The following CCM2 variants were observed in gnomAD, a reference collection of about 807,000 sequenced individuals.
CCM2 encodes CCM2 scaffold protein, also known as cerebral cavernous malformations 2 protein.
A neutral mutation model predicts 44.9 loss-of-function variants in CCM2; 25 were observed. The observed-to-expected ratio is 0.56, with a 90% CI of 0.41 to 0.78. CCM2 has a LOEUF of 0.78. Ranked by LOEUF, CCM2 falls within the 30% of genes least tolerant of loss-of-function variation. The pLI is 0.00. For missense variants in CCM2, 481 were observed against 580.6 expected, an observed-to-expected ratio of 0.83 and a Z score of 1.76; for synonymous variants, 219 against 241.1, an observed-to-expected ratio of 0.91 and a Z score of 0.85.
At chr7:45,052,928 T>C (rs1302488092) in intron 2 of CCM2, among the ~76,000 whole-genome samples, 2 of 152,226 alleles carry the variant, frequency 1.3e-5, no homozygotes, top group Non-Finnish European at 2.9e-5. Flanking sequence ...TCTTATTCTT[T>C]AGACAAAGGA....
At chr7:45,040,862 C>T (rs1036341785) in intron 2 of CCM2, among the ~76,000 whole-genome samples, 2 of 152,142 alleles carry the variant, frequency 1.3e-5, no homozygotes, top group Non-Finnish European at 2.9e-5. Context: ...TAGTGGCACA[C>T]GCCTGTAATT....
chr7:45,033,144 G>A (rs1189424181), intron 1 of CCM2, among the ~76,000 whole-genome samples: 2 of 151,262 alleles, frequency 1.3e-5, no homozygotes, highest in Non-Finnish European at 1.5e-5. Context: ...GGCAATAAGA[G>A]GCATCTACAG....
At chr7:45,039,855 C>T (rs1023259297) in intron 2 of CCM2, among the ~76,000 whole-genome samples, 3 of 151,532 alleles carry the variant, frequency 2.0e-5, no homozygotes, top group Admixed American at 6.6e-5. Flanking sequence ...GGAGAAACCC[C>T]GTCTCTACTA....
intron 1 of CCM2, among the ~76,000 whole-genome samples, chr7:45,032,592 C>T (rs914781181): frequency 2.0e-5 from 3 of 152,194 alleles, no homozygotes; most frequent in Admixed American, 6.5e-5. Context: ...CTTACTACTT[C>T]GGCTTGACTG....
rs1485783973 is a variant in CCM2 at position 45,031,229 on chromosome 7, A to G, written c.31-7024A>G. 5.9e-5 allele frequency among the ~76,000 whole-genome samples: 9 copies of G among 151,512 alleles called. No individual in the cohort carries two copies. In the South Asian group the frequency reaches 1.0e-3, roughly 18 times the overall value. Reference sequence around the variant, plus strand: ...GAAACCCCATCTCTATAAAAATACAAAAATTAGCCAGGTGTGGTGGTGCAC... The same window carrying G: ...GAAACCCCATCTCTATAAAAATACAGAAATTAGCCAGGTGTGGTGGTGCAC... On this transcript the variant is annotated intron_variant, in intron 1 of 9. Coordinates refer to ENST00000258781, the MANE Select transcript of CCM2 (RefSeq NM_031443.4).
chr7:45,013,305 A>G (rs183263299), intron 1 of CCM2, among the ~76,000 whole-genome samples: 2 of 151,732 alleles, frequency 1.3e-5, no homozygotes, highest in East Asian at 3.9e-4. Context: ...TAAATCTTAC[A>G]TTAGATTTTT....
At chr7:45,037,416 T>C (rs992968676) in intron 1 of CCM2, among the ~76,000 whole-genome samples, 1 of 108,874 alleles carries the variant, frequency 9.2e-6, no homozygotes, top group African/African-American at 4.2e-5. Context: ...CTTCTCCCCC[T>C]ACTTTTTTTT....
In CCM2 at chr7:45,072,055, CCT is replaced by C. The variant is rs149333717; in HGVS notation, c.746-666_746-665del. The C allele has an allele frequency of 2.4e-3, 880 of 360,254 alleles. 10 individuals are homozygous for C. The highest frequency in any genetic ancestry group is 0.018 in the African/African-American group (837 of 46,872). The allele number at this position is 360,254 out of a possible 1,614,324, so 22.3% of individuals were successfully genotyped here. A position where few individuals can be genotyped will look rare whatever the true frequency, so the allele number is the denominator to read the frequency against. On this transcript the variant is annotated intron_variant, in intron 6 of 9. Transcript: ENST00000258781. ...CCCTCTGCTTCATTTAAAATCTTACCCTCTCTGCAACACTCACCTGCCTCGCT... is the reference window on the plus strand; with the variant it reads ...CCCTCTGCTTCATTTAAAATCTTACCCTCTGCAACACTCACCTGCCTCGCT...
intron 4 of CCM2, chr7:45,067,504 A>C (rs151333741): frequency 4.6e-5 from 7 of 152,342 alleles, no homozygotes; most frequent in African/African-American, 1.7e-4. Context: ...CTCCGTACCC[A>C]AAACATTATT....
intron 1 of CCM2, among the ~76,000 whole-genome samples, chr7:45,002,469 T>TGA (rs993799039): frequency 6.6e-6 from 1 of 150,656 alleles, no homozygotes; most frequent in Admixed American, 6.6e-5. Flanking sequence ...CTTGGGAGGC[T>TGA]GAGGCAGGAG....
In CCM2 at chr7:45,055,675, G is replaced by A. The variant is rs535649258; in HGVS notation, c.205-8243G>A. Among the ~76,000 whole-genome samples the A allele has an allele frequency of 3.9e-4, 60 of 152,254 alleles. No individual in the cohort carries two copies. In the South Asian group the frequency reaches 7.3e-3, roughly 18 times the overall value. On this transcript the variant is annotated intron_variant, in intron 2 of 9. Transcript: ENST00000258781. ...TGCACTCCAGCCTAGGTGACAGAGCGAGACTCCATCTCAAAAAAAAGATTT... is the reference window on the plus strand; with the variant it reads ...TGCACTCCAGCCTAGGTGACAGAGCAAGACTCCATCTCAAAAAAAAGATTT...
chr7:45,027,461 G>T, intron 1 of CCM2: 1 of 602,838 alleles, frequency 1.7e-6, no homozygotes, highest in Non-Finnish European at 2.9e-6. Flanking sequence ...GGGTTCGCGT[G>T]CTGTGGGAAG....
At position 45,059,758 on chromosome 7, in the gene CCM2, A is replaced by T. The variant is rs544165680; in HGVS notation, c.205-4160A>T. The stretch of plus-strand genomic sequence containing the variant: ...GTCTCAAAAATGTGTATGTGTGTAT[A>T]TATATATATTTATTTTAGTGGTTGC... On this transcript the variant is annotated intron_variant, in intron 2 of 9. Coordinates refer to ENST00000258781, the MANE Select transcript of CCM2 (RefSeq NM_031443.4). Among the ~76,000 whole-genome samples the T allele has an allele frequency of 1.4e-4, 22 of 152,288 alleles. No homozygotes were observed. The South Asian group carries it at 1.4e-3, about 10-fold the overall frequency.
intron 2 of CCM2, among the ~76,000 whole-genome samples, chr7:45,047,732 G>A (rs1428945860): frequency 1.3e-5 from 2 of 152,188 alleles, no homozygotes; most frequent in Non-Finnish European, 2.9e-5. Context: ...CCTATAAAGG[G>A]CAACAGGAGG....
chr7:45,073,333 A>G, intron 7 of CCM2, 127 bp from the exon 8 acceptor site: 7 of 699,826 alleles, frequency 1.0e-5, no homozygotes, highest in Non-Finnish European at 1.8e-5. Context: ...CATCATCATC[A>G]TCATCACTTA....
intron 1 of CCM2, among the ~76,000 whole-genome samples, chr7:45,036,126 T>C (rs1255077761): frequency 1.3e-5 from 2 of 151,996 alleles, no homozygotes; most frequent in East Asian, 1.9e-4. Context: ...TCTTTACTGG[T>C]AGAAGAAAGA....
At chr7:45,060,094 A>T (rs1006783171) in intron 2 of CCM2, among the ~76,000 whole-genome samples, 1 of 152,202 alleles carries the variant, frequency 6.6e-6, no homozygotes, top group Non-Finnish European at 1.5e-5. Flanking sequence ...TTTCTGACCA[A>T]ATCATTTTCA....
intron 2 of CCM2, 25 bp downstream of exon 2, chr7:45,038,451 G>C: frequency 6.2e-7 from 1 of 1,612,660 alleles, no homozygotes; most frequent in Non-Finnish European, 8.5e-7. Flanking sequence ...GCCACAGGAC[G>C]TGCCTGCCAA....
At chr7:45,016,555 C>G (rs1287756058) in intron 1 of CCM2, among the ~76,000 whole-genome samples, 1 of 151,244 alleles carries the variant, frequency 6.6e-6, no homozygotes, top group Non-Finnish European at 1.5e-5. Context: ...GTCTTGAACT[C>G]CTGACCTCAG....
Sources: allele counts gnomAD v4.1 joint callset (sites outside exome capture counted in the v4.1 genomes callset), GRCh38; gene constraint gnomAD v4.1.1; transcripts MANE v1.5; gene names NCBI Gene and HGNC (gene_info 2026-07-23, HGNC 2026-07-21).